FHDC1: variants seen among roughly 807,000 people sequenced by gnomAD.
The protein encoded by FHDC1 is FH2 domain containing 1.
Under a neutral mutation model 52.6 loss-of-function variants are expected in FHDC1, and 25 were observed. The ratio of observed to expected loss-of-function variants is 0.48; its 90% CI spans 0.35 to 0.66. The LOEUF is 0.66. FHDC1 is among the 30% of genes least tolerant of loss of function. The pLI is 0.01. For synonymous variants in FHDC1, 616 were observed against 581.5 expected (o/e 1.06, Z -0.85); for missense variants, 1,459 against 1,452.8 (o/e 1.00, Z -0.07).
At chr4:152,911,442 G>GT in the FHDC1 span, 2 of 152,302 alleles carry the variant, frequency 1.3e-5, no homozygotes, top group African/African-American at 4.8e-5. Context: ...GGCCAGTACT[G>GT]TTTTAGTTGC....
chr4:152,916,479 T>A, the FHDC1 span, among the ~76,000 whole-genome samples: 1 of 152,012 alleles, frequency 6.6e-6, no homozygotes, highest in Non-Finnish European at 1.5e-5. Flanking sequence ...AAAGTAAATA[T>A]GGCAAAATGT....
intron 7 of FHDC1, 30 bp from the exon 8 acceptor site, chr4:152,962,993 A>G (rs1740330211): frequency 3.2e-6 from 5 of 1,576,736 alleles, no homozygotes; most frequent in South Asian, 1.1e-5. Context: ...ATGTATACAT[A>G]ATTTTTTCTT....
intron 8 of FHDC1, among the ~76,000 whole-genome samples, chr4:152,963,745 G>T (rs573482274): frequency 7.0e-6 from 1 of 143,054 alleles, no homozygotes; most frequent in East Asian, 2.1e-4. Flanking sequence ...ACAGGGTTTG[G>T]AGTCTGATCC....
intron 2 of FHDC1, among the ~76,000 whole-genome samples, chr4:152,946,716 A>C (rs1305644955): frequency 6.6e-6 from 1 of 152,196 alleles, no homozygotes; most frequent in Non-Finnish European, 1.5e-5. Context: ...GCAGTTCTGG[A>C]GGTTCAGACT....
At chr4:152,954,537 A>C (rs1329261739) in intron 4 of FHDC1, among the ~76,000 whole-genome samples, 1 of 152,068 alleles carries the variant, frequency 6.6e-6, no homozygotes, top group Admixed American at 6.6e-5. Flanking sequence ...AAATGCAAAA[A>C]TTAGCCCGGT....
At chr4:152,934,849 T>C (rs1311454537), upstream of FHDC1, among the ~76,000 whole-genome samples, 1 of 152,144 alleles carries the variant, frequency 6.6e-6, no homozygotes, top group East Asian at 1.9e-4. Context: ...GGAGGCCCAC[T>C]GTCACGGGGT....
chr4:152,939,566 C>G (rs1301165185), intron 1 of FHDC1, among the ~76,000 whole-genome samples: 1 of 152,064 alleles, frequency 6.6e-6, no homozygotes, highest in Non-Finnish European at 1.5e-5. Context: ...TTTTTGTCTG[C>G]CAATTAACTA....
intron 4 of FHDC1, 122 bp downstream of exon 4, chr4:152,954,441 C>T: frequency 1.5e-6 from 1 of 678,816 alleles, no homozygotes; most frequent in Non-Finnish European, 2.5e-6. Flanking sequence ...AATCCCAGCA[C>T]TTTGGGAGGC....
At chr4:152,939,740 GC>G (rs987893415) in intron 1 of FHDC1, among the ~76,000 whole-genome samples, 10 of 152,170 alleles carry the variant, frequency 6.6e-5, no homozygotes, top group African/African-American at 2.4e-4. Context: ...CATCTTCAGA[GC>G]CCAGCCATGA....
chr4:152,933,385 C>T (rs556857375), upstream of FHDC1, among the ~76,000 whole-genome samples: 31 of 152,248 alleles, frequency 2.0e-4, no homozygotes, highest in African/African-American at 6.3e-4. Flanking sequence ...TGAAGAGTTG[C>T]GCCATGCTTC....
rs777842172 is a variant in FHDC1, at chr4:152,975,760, C to T, written c.2469C>T (p.Asn823=). ...GEMGDSQVSS[N]PTSSPPGEAP... ...TGGGGGACAGCCAAGTCTCCTCCAA[C>T]CCTACATCCAGCCCCCCTGGGGAGG... The change falls in exon 12 of 12, where the codon AAC becomes AAT. Residue 823 remains asparagine (N), a synonymous_variant. Transcript: ENST00000511601. The T allele has an allele frequency of 3.8e-6, 6 of 1,570,848 alleles. No homozygotes were observed. Among genetic ancestry groups the T allele is most frequent in the Non-Finnish European group, 5.2e-6 (6 of 1,156,602 alleles).
At chr4:152,932,454 T>G (rs1739269907), upstream of FHDC1, among the ~76,000 whole-genome samples, 1 of 152,094 alleles carries the variant, frequency 6.6e-6, no homozygotes, top group South Asian at 2.1e-4. Context: ...TGATACAAAT[T>G]TGCATTTTAT....
chr4:152,967,070 T>A (rs948787552), intron 9 of FHDC1, among the ~76,000 whole-genome samples: 11 of 152,056 alleles, frequency 7.2e-5, no homozygotes, highest in Non-Finnish European at 1.3e-4. Flanking sequence ...CAGTGAGCCA[T>A]GATCTTGCCA....
the FHDC1 span, among the ~76,000 whole-genome samples, chr4:152,912,852 G>A: frequency 6.6e-6 from 1 of 152,184 alleles, no homozygotes; most frequent in Non-Finnish European, 1.5e-5. Flanking sequence ...TTAGGGTCCA[G>A]GAACTATCTG....
At chr4:152,946,831 C>T (rs1448949535) in intron 2 of FHDC1, among the ~76,000 whole-genome samples, 1 of 152,166 alleles carries the variant, frequency 6.6e-6, no homozygotes, top group Non-Finnish European at 1.5e-5. Context: ...TAATAAGTTC[C>T]ATTGTACTCG....
At chr4:152,972,906 GA>G (rs1298789296) in intron 11 of FHDC1, among the ~76,000 whole-genome samples, 2 of 152,200 alleles carry the variant, frequency 1.3e-5, no homozygotes, top group African/African-American at 4.8e-5. Flanking sequence ...CCCGCTCCCA[GA>G]AGAGAACGTC....
rs1579107325 is a variant in FHDC1, at chr4:152,975,273, C to G, written c.1982C>G (p.Pro661Arg). 6.2e-7 allele frequency: 1 copy of G among 1,613,442 alleles called. No homozygotes were observed. Among genetic ancestry groups the G allele is most frequent in the African/African-American group, 1.3e-5 (1 of 74,948 alleles). ...EPVSLGSAQS[P>R]PLSPLALGIK... Reference sequence around the variant, plus strand: ...GTGAGCCTGGGCTCAGCACAGTCCCCTCCTCTCTCGCCATTGGCTCTGGGA... The same window carrying G: ...GTGAGCCTGGGCTCAGCACAGTCCCGTCCTCTCTCGCCATTGGCTCTGGGA... The change falls in exon 12 of 12, where the codon CCT becomes CGT. Residue 661 changes from proline (P) to arginine (R), a missense_variant. This residue lies in a region of FHDC1 where 939 missense variants were observed against 854.5 expected (regional missense o/e 1.10). Coordinates refer to ENST00000511601, the MANE Select transcript of FHDC1 (RefSeq NM_001371116.1).
chr4:152,935,191 C>T (rs202215601), upstream of FHDC1, among the ~76,000 whole-genome samples: 4,180 of 152,224 alleles, frequency 0.027, 179 homozygotes, highest in African/African-American at 0.095. Context: ...GTTTCTCTTT[C>T]TCGATCCAAG....
chr4:152,962,531 G>A (rs970665198), intron 6 of FHDC1, among the ~76,000 whole-genome samples: 2 of 152,162 alleles, frequency 1.3e-5, no homozygotes, highest in African/African-American at 2.4e-5. Context: ...TTAGGCTTTT[G>A]CATTTTTCAC....
Sources: allele counts gnomAD v4.1 joint callset (sites outside exome capture counted in the v4.1 genomes callset), GRCh38; gene constraint gnomAD v4.1.1; regional missense constraint gnomAD v4.1.1; transcripts MANE v1.5; gene names NCBI Gene and HGNC (gene_info 2026-07-23, HGNC 2026-07-21).